ANKRD13C: variants seen among roughly 807,000 people sequenced by gnomAD.
The protein encoded by ANKRD13C is ankyrin repeat domain 13C.
ANKRD13C carries 16 observed loss-of-function variants against 65.5 expected under a neutral mutation model. That is an observed-to-expected ratio of 0.24 (90% CI 0.17 to 0.37). ANKRD13C has a LOEUF of 0.37. ANKRD13C is among the 10% of genes least tolerant of loss of function. The probability of loss-of-function intolerance (pLI) is 1.00; values close to 1 mark genes in which losing one functional copy is unlikely to be tolerated. For missense variants in ANKRD13C, 503 were observed against 655.9 expected, an observed-to-expected ratio of 0.77 and a Z score of 2.55; for synonymous variants, 235 against 238.7, an observed-to-expected ratio of 0.98 and a Z score of 0.14.
chr1:70,301,843 A>G (rs1680368918), intron 6 of ANKRD13C, among the ~76,000 whole-genome samples: 2 of 152,230 alleles, frequency 1.3e-5, no homozygotes, highest in Admixed American at 1.3e-4. Flanking sequence ...GGCTTTATAA[A>G]TCACCAGATC....
At chr1:70,347,639 G>C (rs1433824840) in intron 1 of ANKRD13C, among the ~76,000 whole-genome samples, 1 of 152,160 alleles carries the variant, frequency 6.6e-6, no homozygotes, top group African/African-American at 2.4e-5. Context: ...ACATTTGTAA[G>C]CAGTGGGTGA....
rs1678326000 is a variant in ANKRD13C at position 70,259,521 on chromosome 1, A to G, written c.*3196T>C. Among the ~76,000 whole-genome samples the G allele has an allele frequency of 6.6e-6, 1 of 152,214 alleles. No homozygotes were observed. The highest frequency in any genetic ancestry group is 2.1e-4 in the South Asian group (1 of 4,830). ...CTGTAAGGATGGTTTGCATGATGTA[A>G]AAAATGTGATTCTTAACATGTTATG... On this transcript the variant is annotated 3_prime_UTR_variant, in exon 13 of 13. Coordinates refer to ENST00000370944, the MANE Select transcript of ANKRD13C (RefSeq NM_030816.5).
At chr1:70,295,829 G>C (rs1680060124) in intron 8 of ANKRD13C, among the ~76,000 whole-genome samples, 1 of 152,146 alleles carries the variant, frequency 6.6e-6, no homozygotes, top group African/African-American at 2.4e-5. Context: ...ATCGAATAAA[G>C]CACTAGAAAT....
chr1:70,329,737 C>CA (rs1440853893), intron 2 of ANKRD13C, among the ~76,000 whole-genome samples: 1 of 151,746 alleles, frequency 6.6e-6, no homozygotes, highest in Non-Finnish European at 1.5e-5. Flanking sequence ...TAGCAACTAA[C>CA]AAAAAATCAG....
At chr1:70,320,037 G>A (rs1252533887) in intron 3 of ANKRD13C, among the ~76,000 whole-genome samples, 2 of 152,100 alleles carry the variant, frequency 1.3e-5, no homozygotes, top group Non-Finnish European at 2.9e-5. Context: ...AAACTTCCTT[G>A]TACTTGAGCT....
At chr1:70,307,358 G>C (rs1158035765) in intron 5 of ANKRD13C, among the ~76,000 whole-genome samples, 12 of 151,506 alleles carry the variant, frequency 7.9e-5, no homozygotes, top group Admixed American at 7.9e-4. Context: ...GCAACATGGC[G>C]AAACCCCATC....
At chr1:70,334,618 C>T (rs1681939321) in intron 2 of ANKRD13C, among the ~76,000 whole-genome samples, 1 of 151,822 alleles carries the variant, frequency 6.6e-6, no homozygotes, top group South Asian at 2.1e-4. Context: ...AACACAGCGA[C>T]ACCATGTCTC....
chr1:70,298,476 A>G (rs1446850431), intron 7 of ANKRD13C, among the ~76,000 whole-genome samples: 1 of 151,196 alleles, frequency 6.6e-6, no homozygotes, highest in Non-Finnish European at 1.5e-5. Flanking sequence ...TATAAAATAC[A>G]TAATACATAT....
In ANKRD13C at chr1:70,276,661, A is replaced by G. The variant is rs1249227840; in HGVS notation, c.1295+104T>C. Reference sequence around the variant, plus strand: ...AATTGCTTCAGTCAAAAATATACCAATAATTCTCTCCAAAATAATTTACGC... The same window carrying G: ...AATTGCTTCAGTCAAAAATATACCAGTAATTCTCTCCAAAATAATTTACGC... On this transcript the variant is annotated intron_variant, in intron 10 of 12. Transcript: ENST00000370944. 2.8e-5 allele frequency: 27 copies of G among 960,384 alleles called. No homozygotes were observed. In the East Asian group the frequency reaches 3.1e-4, roughly 11 times the overall value. 59.5% of individuals were successfully genotyped at this position (960,384 alleles called of 1,614,324 possible).
intron 2 of ANKRD13C, among the ~76,000 whole-genome samples, chr1:70,331,992 C>G (rs1456222638): frequency 1.3e-5 from 2 of 151,708 alleles, no homozygotes; most frequent in Admixed American, 1.3e-4. Context: ...ACATAAAGAT[C>G]ATAAGAAAAA....
intron 2 of ANKRD13C, among the ~76,000 whole-genome samples, chr1:70,333,025 A>G (rs940327079): frequency 1.3e-5 from 2 of 152,198 alleles, no homozygotes; most frequent in South Asian, 2.1e-4. Context: ...CAACTTTGAT[A>G]CAGACCATAT....
At chr1:70,308,188 G>T (rs1260244730) in intron 5 of ANKRD13C, among the ~76,000 whole-genome samples, 1 of 151,810 alleles carries the variant, frequency 6.6e-6, no homozygotes, top group Non-Finnish European at 1.5e-5. Context: ...AAAGACGGGG[G>T]TCTCCCTATA....
At chr1:70,351,117 T>A (rs1330576364) in intron 1 of ANKRD13C, among the ~76,000 whole-genome samples, 1 of 152,196 alleles carries the variant, frequency 6.6e-6, no homozygotes, top group Non-Finnish European at 1.5e-5. Flanking sequence ...GAGCAGATCA[T>A]TCCACTGCAC....
chr1:70,275,076 C>T (rs993942576), intron 10 of ANKRD13C, among the ~76,000 whole-genome samples: 8 of 151,948 alleles, frequency 5.3e-5, no homozygotes, highest in African/African-American at 9.7e-5. Flanking sequence ...ATTTTAATAA[C>T]CACTATTTTT....
At chr1:70,275,134 A>G (rs184501423) in intron 10 of ANKRD13C, among the ~76,000 whole-genome samples, 2 of 152,350 alleles carry the variant, frequency 1.3e-5, no homozygotes, top group African/African-American at 2.4e-5. Context: ...GTATTATTGT[A>G]TATCTTTAAA....
At chr1:70,326,462 A>T (rs1303398746) in intron 2 of ANKRD13C, among the ~76,000 whole-genome samples, 3 of 152,150 alleles carry the variant, frequency 2.0e-5, no homozygotes. Flanking sequence ...TTTAAAAGAA[A>T]TAAGAGTGTT....
rs59618915 is a variant in ANKRD13C at position 70,326,231 on chromosome 1, C to CAAAA, written c.473-1278_473-1275dup. On this transcript the variant is annotated intron_variant, in intron 2 of 12. Transcript: ENST00000370944. ...GGGCAACAAGAGCCAAACTCTGTCT[C>CAAAA]AAAAAAAAAAAAAAAAAAAAAAAAA... 6.3e-3 allele frequency among the ~76,000 whole-genome samples: 195 copies of CAAAA among 31,104 alleles called. 4 individuals carry two copies. Among genetic ancestry groups the CAAAA allele is most frequent in the Non-Finnish European group, 8.3e-3 (135 of 16,306 alleles). The allele number at this position is 31,104 out of a possible 152,430, so 20.4% of individuals were successfully genotyped here. A position where few individuals can be genotyped will look rare whatever the true frequency, so the allele number is the denominator to read the frequency against.
chr1:70,353,871 G>A, intron 1 of ANKRD13C, 108 bp downstream of exon 1: 4 of 1,371,410 alleles, frequency 2.9e-6, no homozygotes, highest in Non-Finnish European at 3.8e-6. Context: ...CCCGGATGAT[G>A]GGCAAAAAGA....
chr1:70,326,657 G>GTTTAT (rs58872828), intron 2 of ANKRD13C, among the ~76,000 whole-genome samples: 68,262 of 151,356 alleles, frequency 0.45, 15,916 homozygotes, highest in East Asian at 0.65. Context: ...GTACATGAAT[G>GTTTAT]TTTAATGTTG....
Sources: gnomAD v4.1 joint callset for allele counts (sites outside exome capture counted in the v4.1 genomes callset) on GRCh38, gnomAD v4.1.1 for gene constraint, MANE v1.5 for transcripts, NCBI Gene and HGNC (gene_info 2026-07-23, HGNC 2026-07-21) for gene names.